SGCZ: variants seen among roughly 807,000 people sequenced by gnomAD.
SGCZ encodes sarcoglycan zeta, also known as zeta-sarcoglycan.
A neutral mutation model predicts 41.3 loss-of-function variants in SGCZ; 40 were observed. The ratio of observed to expected loss-of-function variants is 0.97; its 90% CI spans 0.75 to 1.26. The LOEUF is 1.26. Among genes scored for constraint, SGCZ ranks in the 50% most tolerant of loss-of-function variants. The pLI is 0.00. For synonymous variants in SGCZ, 206 were observed against 137.5 expected (o/e 1.50, Z -3.49); for missense variants, 552 against 369.8 (o/e 1.49, Z -4.04).
intron 1 of SGCZ, among the ~76,000 whole-genome samples, chr8:15,051,066 A>T (rs917531013): frequency 6.6e-6 from 1 of 152,194 alleles, no homozygotes; most frequent in Non-Finnish European, 1.5e-5. Context: ...AATAGGTTTG[A>T]TAGTCATAGA....
chr8:14,904,366 T>G (rs1799062954), intron 1 of SGCZ, among the ~76,000 whole-genome samples: 1 of 151,990 alleles, frequency 6.6e-6, no homozygotes, highest in South Asian at 2.1e-4. Context: ...CTCAATCCTT[T>G]CCAAAAAAGA....
chr8:14,788,265 C>T (rs1018735267), intron 1 of SGCZ, among the ~76,000 whole-genome samples: 4 of 152,118 alleles, frequency 2.6e-5, no homozygotes, highest in Non-Finnish European at 4.4e-5. Flanking sequence ...ATGCTAATTT[C>T]ATTATTATTT....
chr8:14,724,512 T>C (rs1809990631), intron 1 of SGCZ, among the ~76,000 whole-genome samples: 1 of 151,782 alleles, frequency 6.6e-6, no homozygotes, highest in African/African-American at 2.4e-5. Context: ...ATGAAATTCA[T>C]ATTTTGCACC....
In SGCZ at chr8:15,172,406, C is replaced by T. The variant is rs566379244; in HGVS notation, c.39+65179G>A. Among the ~76,000 whole-genome samples the T allele has an allele frequency of 2.8e-3, 418 of 151,598 alleles. 5 individuals carry two copies. Among genetic ancestry groups the T allele is most frequent in the Non-Finnish European group, 4.6e-3 (309 of 67,860 alleles). On this transcript the variant is annotated intron_variant, in intron 1 of 7. Coordinates refer to ENST00000382080, the MANE Select transcript of SGCZ (RefSeq NM_139167.4). ...CGATCTCCTGACCTCGTGATCTGCCCGTCTCGGCCTCCCAAAGTGCTGGGT... is the reference window on the plus strand; with the variant it reads ...CGATCTCCTGACCTCGTGATCTGCCTGTCTCGGCCTCCCAAAGTGCTGGGT...
At chr8:14,614,297 G>A (rs1480666653) in intron 1 of SGCZ, among the ~76,000 whole-genome samples, 1 of 152,036 alleles carries the variant, frequency 6.6e-6, no homozygotes, top group Non-Finnish European at 1.5e-5. Flanking sequence ...AAAAATTGAA[G>A]AACATATTTT....
At chr8:15,092,655 ATCT>A (rs1806196754) in intron 1 of SGCZ, among the ~76,000 whole-genome samples, 3 of 152,208 alleles carry the variant, frequency 2.0e-5, no homozygotes, top group South Asian at 4.1e-4. Flanking sequence ...ATCCTTGGTG[ATCT>A]TCTTAATATG....
chr8:14,108,101 A>G, intron 6 of SGCZ, 62 bp downstream of exon 6: 1 of 1,440,428 alleles, frequency 6.9e-7, no homozygotes, highest in Non-Finnish European at 9.7e-7. Flanking sequence ...TTAGTTCTTC[A>G]TATATTAAGG....
At chr8:14,973,167 C>T (rs2130867360) in intron 1 of SGCZ, among the ~76,000 whole-genome samples, 1 of 152,262 alleles carries the variant, frequency 6.6e-6, no homozygotes, top group African/African-American at 2.4e-5. Flanking sequence ...GGGTGTAAAT[C>T]TTTTAAAAAG....
At chr8:15,040,649 G>C (rs1307112187) in intron 1 of SGCZ, among the ~76,000 whole-genome samples, 1 of 152,018 alleles carries the variant, frequency 6.6e-6, no homozygotes, top group East Asian at 1.9e-4. Context: ...TCACTTCCAA[G>C]TAAAATGAAT....
intron 3 of SGCZ, among the ~76,000 whole-genome samples, chr8:14,268,932 AATT>A (rs1375172716): frequency 6.6e-6 from 1 of 151,814 alleles, no homozygotes; most frequent in African/African-American, 2.4e-5. Flanking sequence ...TTTTATTTCA[AATT>A]ATTAAGTATA....
At chr8:14,289,679 A>G (rs1278745662) in intron 3 of SGCZ, among the ~76,000 whole-genome samples, 1 of 152,072 alleles carries the variant, frequency 6.6e-6, no homozygotes, top group Non-Finnish European at 1.5e-5. Context: ...GCCAACTGAT[A>G]TTGGCAAAGG....
chr8:14,770,644 C>T (rs1800206375), intron 1 of SGCZ, among the ~76,000 whole-genome samples: 1 of 152,008 alleles, frequency 6.6e-6, no homozygotes, highest in South Asian at 2.1e-4. Context: ...GCACAGATGT[C>T]CATTATGTAT....
intron 2 of SGCZ, among the ~76,000 whole-genome samples, chr8:14,367,100 A>C (rs1803736068): frequency 6.6e-6 from 1 of 152,086 alleles, no homozygotes. Flanking sequence ...GAAATTTCTT[A>C]CGCCAGATGC....
At chr8:14,531,103 C>A (rs141932908) in intron 2 of SGCZ, among the ~76,000 whole-genome samples, 6 of 151,976 alleles carry the variant, frequency 3.9e-5, no homozygotes, top group Non-Finnish European at 7.4e-5. Flanking sequence ...TTGGTATACT[C>A]AGCCCCTGAT....
intron 1 of SGCZ, among the ~76,000 whole-genome samples, chr8:14,648,518 T>C (rs1585152908): frequency 6.6e-6 from 1 of 152,190 alleles, no homozygotes; most frequent in Middle Eastern, 3.4e-3. Context: ...TTAAAAGCTA[T>C]AAGATTAAAG....
intron 1 of SGCZ, among the ~76,000 whole-genome samples, chr8:14,861,715 A>C (rs4645558): frequency 2.0e-5 from 3 of 151,722 alleles, no homozygotes; most frequent in Non-Finnish European, 4.4e-5. Flanking sequence ...TTGCATTTTC[A>C]TTTTGCACTG....
At chr8:14,816,139 T>C (rs897822285) in intron 1 of SGCZ, among the ~76,000 whole-genome samples, 6 of 152,240 alleles carry the variant, frequency 3.9e-5, no homozygotes, top group Admixed American at 1.3e-4. Flanking sequence ...ACATTTTGTA[T>C]ACTAAGTCTC....
At chr8:14,994,546 T>C (rs1228387849) in intron 1 of SGCZ, among the ~76,000 whole-genome samples, 2 of 150,274 alleles carry the variant, frequency 1.3e-5, no homozygotes, top group African/African-American at 4.9e-5. Context: ...ATTGTGCCAC[T>C]GCACTCCAGC....
intron 1 of SGCZ, among the ~76,000 whole-genome samples, chr8:15,046,792 C>T (rs1804320791): frequency 6.6e-6 from 1 of 151,974 alleles, no homozygotes; most frequent in South Asian, 2.1e-4. Flanking sequence ...GCTAATACTG[C>T]CAAAACCAAT....
Sources: gnomAD v4.1 joint callset for allele counts (sites outside exome capture counted in the v4.1 genomes callset) on GRCh38, gnomAD v4.1.1 for gene constraint, MANE v1.5 for transcripts, NCBI Gene and HGNC (gene_info 2026-07-23, HGNC 2026-07-21) for gene names.